Variants in INPP4B observed in about 807,000 individuals in gnomAD.
INPP4B encodes inositol polyphosphate-4-phosphatase type II B.
In INPP4B, 55 loss-of-function variants were observed where a neutral mutation model predicts 122.5. The ratio of observed to expected loss-of-function variants is 0.45; its 90% CI spans 0.36 to 0.56. The LOEUF is 0.56. INPP4B is among the 20% of genes least tolerant of loss of function. The pLI, the probability that INPP4B is intolerant of heterozygous loss-of-function variation, is 0.00. For missense variants in INPP4B, 1,000 were observed against 1,097.7 expected (o/e 0.91, Z 1.26); for synonymous variants, 403 against 388.7 (o/e 1.04, Z -0.43).
At chr4:142,234,470 T>C (rs1037355040) in intron 12 of INPP4B, among the ~76,000 whole-genome samples, 1 of 152,196 alleles carries the variant, frequency 6.6e-6, no homozygotes, top group Non-Finnish European at 1.5e-5. Context: ...CTGTATCTTC[T>C]TACACTCTAC....
At chr4:142,081,650 T>C (rs1030462297) in intron 25 of INPP4B, among the ~76,000 whole-genome samples, 4 of 152,148 alleles carry the variant, frequency 2.6e-5, no homozygotes, top group African/African-American at 9.7e-5. Flanking sequence ...TACTCATAAA[T>C]ACTTATGCAT....
intron 2 of INPP4B, among the ~76,000 whole-genome samples, chr4:142,717,630 T>C (rs937620673): frequency 6.6e-6 from 1 of 152,012 alleles, no homozygotes; most frequent in Non-Finnish European, 1.5e-5. Context: ...CTGAGCAAAC[T>C]ATCACAAGGA....
At chr4:142,227,856 TAAAAAAAAAAA>T (rs60375355) in intron 12 of INPP4B, among the ~76,000 whole-genome samples, 1 of 34,236 alleles carries the variant, frequency 2.9e-5, no homozygotes, top group Non-Finnish European at 5.6e-5. Flanking sequence ...AGACTCTATC[TAAAAAAAAAAA>T]AAAAAAAAAA....
intron 7 of INPP4B, among the ~76,000 whole-genome samples, chr4:142,332,180 A>G (rs73850853): frequency 0.027 from 4,104 of 152,258 alleles, 190 homozygotes; most frequent in African/African-American, 0.094. Flanking sequence ...AAGCTATTTA[A>G]CATGACAATC....
At chr4:142,442,423 A>AAC (rs1276857912) in intron 3 of INPP4B, among the ~76,000 whole-genome samples, 1 of 151,130 alleles carries the variant, frequency 6.6e-6, no homozygotes, top group Non-Finnish European at 1.5e-5. Context: ...AAAAAAAAAA[A>AAC]AAAAAAAGAG....
chr4:142,669,274 T>C (rs916689114), intron 2 of INPP4B, among the ~76,000 whole-genome samples: 1 of 152,086 alleles, frequency 6.6e-6, no homozygotes, highest in African/African-American at 2.4e-5. Context: ...TGAATCTCTA[T>C]CAAAATTTTA....
In INPP4B at chr4:142,028,665, C is replaced by T; in HGVS notation, c.*117G>A. 9.5e-7 allele frequency: 1 copy of T among 1,053,986 alleles called. No individual in the cohort carries two copies. The highest frequency in any genetic ancestry group is 2.5e-4 in the Middle Eastern group (1 of 4,072). 65.3% of individuals were successfully genotyped at this position (1,053,986 alleles called of 1,614,324 possible). ...GTAGTTCCTAGATTTTGGGAAACAT[C>T]TGTGATCATCTCCCCCACCACAAAT... is the stretch of plus-strand genomic sequence containing the variant. On this transcript the variant is annotated 3_prime_UTR_variant, in exon 26 of 26. Transcript: ENST00000262992.
intron 11 of INPP4B, among the ~76,000 whole-genome samples, chr4:142,247,802 C>G (rs904567369): frequency 6.6e-6 from 1 of 152,026 alleles, no homozygotes; most frequent in African/African-American, 2.4e-5. Flanking sequence ...TAGTCAGAGG[C>G]AGTACAAAAT....
At chr4:142,042,516 G>GTGTGTGTGTA (rs1297140777) in intron 25 of INPP4B, among the ~76,000 whole-genome samples, 2 of 48,128 alleles carry the variant, frequency 4.2e-5, no homozygotes, top group African/African-American at 8.1e-5. Flanking sequence ...TTATGTGTGT[G>GTGTGTGTGTA]TGTATGTATG....
intron 2 of INPP4B, among the ~76,000 whole-genome samples, chr4:142,668,775 G>A (rs207465142): frequency 4.1e-4 from 62 of 152,216 alleles, no homozygotes; most frequent in African/African-American, 1.3e-3. Flanking sequence ...ATGGCTGGGC[G>A]TGGTGGCTCA....
At chr4:142,206,171 C>CT (rs898867550) in intron 14 of INPP4B, among the ~76,000 whole-genome samples, 61 of 152,156 alleles carry the variant, frequency 4.0e-4, no homozygotes, top group African/African-American at 1.4e-3. Flanking sequence ...CCTGAAAGCT[C>CT]TTTTTATCAT....
At chr4:142,310,554 A>T (rs755149602) in intron 8 of INPP4B, among the ~76,000 whole-genome samples, 34 of 152,198 alleles carry the variant, frequency 2.2e-4, no homozygotes, top group Non-Finnish European at 4.3e-4. Flanking sequence ...ATCATAAAAC[A>T]ACACATAGGA....
At chr4:142,211,283 G>T (rs1844769805) in intron 12 of INPP4B, among the ~76,000 whole-genome samples, 1 of 152,104 alleles carries the variant, frequency 6.6e-6, no homozygotes, top group Non-Finnish European at 1.5e-5. Flanking sequence ...TTTCATTAAA[G>T]TAAAGAAGAG....
chr4:142,202,702 T>C, intron 14 of INPP4B: 1 of 976,426 alleles, frequency 1.0e-6, no homozygotes, highest in Non-Finnish European at 1.2e-6. Context: ...TATAAACTCA[T>C]TTTTTAAAAC....
intron 2 of INPP4B, among the ~76,000 whole-genome samples, chr4:142,496,502 C>T (rs955646357): frequency 1.3e-5 from 2 of 152,102 alleles, no homozygotes; most frequent in African/African-American, 4.8e-5. Context: ...AAACAAGATT[C>T]CAAAATGGTA....
intron 2 of INPP4B, among the ~76,000 whole-genome samples, chr4:142,652,635 C>G (rs1178331256): frequency 6.6e-6 from 1 of 152,062 alleles, no homozygotes; most frequent in Non-Finnish European, 1.5e-5. Flanking sequence ...GAATAAAATA[C>G]CTAGGAATCC....
intron 5 of INPP4B, among the ~76,000 whole-genome samples, chr4:142,428,082 A>T (rs182034250): frequency 3.0e-4 from 45 of 151,850 alleles, no homozygotes; most frequent in Middle Eastern, 3.4e-3. Flanking sequence ...TATATTTTTT[A>T]AAAATAATGT....
chr4:142,465,791 C>A (rs1817650378), intron 2 of INPP4B, among the ~76,000 whole-genome samples: 2 of 152,258 alleles, frequency 1.3e-5, no homozygotes, highest in South Asian at 4.2e-4. Context: ...TAAGTGAGTT[C>A]TTGCTCCAAG....
At chr4:142,072,599 G>A (rs1212050860) in intron 25 of INPP4B, among the ~76,000 whole-genome samples, 2 of 146,860 alleles carry the variant, frequency 1.4e-5, no homozygotes, top group Non-Finnish European at 1.5e-5. Flanking sequence ...ACCATTTACA[G>A]TTTAGTAAAA....
Sources: gnomAD v4.1 joint callset for allele counts (sites outside exome capture counted in the v4.1 genomes callset) on GRCh38, gnomAD v4.1.1 for gene constraint, MANE v1.5 for transcripts, NCBI Gene and HGNC (gene_info 2026-07-23, HGNC 2026-07-21) for gene names.